PFKP: variants seen among roughly 807,000 people sequenced by gnomAD.
PFKP encodes the protein ATP-dependent 6-phosphofructokinase, platelet type.
A neutral mutation model predicts 94.3 loss-of-function variants in PFKP; 101 were observed. The ratio of observed to expected loss-of-function variants is 1.07; its 90% confidence interval spans 0.91 to 1.26. The LOEUF is 1.26. Ranked by LOEUF, PFKP falls within the 50% of genes most tolerant of loss-of-function variation. The pLI is 0.00. For synonymous variants in PFKP, 573 were observed against 432.6 expected (o/e 1.32, Z -4.03); for missense variants, 1,145 against 1,103.3 (o/e 1.04, Z -0.53).
intron 15 of PFKP, among the ~76,000 whole-genome samples, chr10:3,119,571 C>T (rs953256722): frequency 6.6e-6 from 1 of 151,778 alleles, no homozygotes; most frequent in African/African-American, 2.4e-5. Flanking sequence ...CACCACCTCA[C>T]TCCAGCCTGG....
At chr10:3,100,932 G>C in intron 3 of PFKP, 1 of 1,610,752 alleles carries the variant, frequency 6.2e-7, no homozygotes, top group Non-Finnish European at 8.5e-7. Flanking sequence ...TGCTGTAAGG[G>C]GTGACTGGAG....
intron 9 of PFKP, 39 bp from the exon 10 acceptor site, chr10:3,109,316 C>G: frequency 1.2e-6 from 2 of 1,603,942 alleles, no homozygotes; most frequent in Non-Finnish European, 1.7e-6. Flanking sequence ...CAGGGCAGGA[C>G]GGGAGGCTGC....
At chr10:3,113,684 A>G (rs1836500724) in intron 13 of PFKP, among the ~76,000 whole-genome samples, 166 bp downstream of exon 13, 1 of 106,462 alleles carries the variant, frequency 9.4e-6, no homozygotes, top group Non-Finnish European at 2.2e-5. Flanking sequence ...ATCTCACCCT[A>G]AGGTAGGTTT....
At chr10:3,071,031 A>G (rs1409430241) in intron 1 of PFKP, among the ~76,000 whole-genome samples, 4 of 152,016 alleles carry the variant, frequency 2.6e-5, no homozygotes, top group African/African-American at 4.8e-5. Context: ...GACTACAGAC[A>G]TGAGCCATTG....
At chr10:3,124,728 T>G (rs181037017) in intron 16 of PFKP, among the ~76,000 whole-genome samples, 3 of 152,346 alleles carry the variant, frequency 2.0e-5, no homozygotes, top group South Asian at 2.1e-4. Flanking sequence ...GCTTTGCCTT[T>G]AAGTGTCCTG....
rs1393535674 is a variant in PFKP at position 3,085,922 on chromosome 10, T to C, written c.186+3461T>C. On this transcript the variant is annotated intron_variant, in intron 2 of 21. Transcript: ENST00000381125. Reference sequence around the variant, plus strand: ...CTGCACCTGACGAAGACCAGCTTAGTTTCCGCTGCTGCTGGAGCATATACA... The same window carrying C: ...CTGCACCTGACGAAGACCAGCTTAGCTTCCGCTGCTGCTGGAGCATATACA... Among the ~76,000 whole-genome samples, 3 of 135,366 alleles carry C rather than the reference T, an allele frequency of 2.2e-5. No individual in the cohort carries two copies. In the East Asian group the frequency reaches 7.1e-4, roughly 32 times the overall value. 88.8% of individuals were successfully genotyped at this position (135,366 alleles called of 152,430 possible). A position where few individuals can be genotyped will look rare whatever the true frequency, so the allele number is the denominator to read the frequency against.
chr10:3,109,604 A>C, intron 10 of PFKP, 124 bp downstream of exon 10: 1 of 1,222,978 alleles, frequency 8.2e-7, no homozygotes, highest in Non-Finnish European at 1.1e-6. Flanking sequence ...CCTTTCTGAG[A>C]AGGAGGTGAG....
chr10:3,069,586 A>C (rs1171541165), intron 1 of PFKP, among the ~76,000 whole-genome samples: 1 of 152,042 alleles, frequency 6.6e-6, no homozygotes, highest in African/African-American at 2.4e-5. Context: ...GTTATTTTGG[A>C]ATTTAGGTGC....
chr10:3,123,780 T>C (rs9423690), intron 16 of PFKP, among the ~76,000 whole-genome samples: 102,617 of 152,262 alleles, frequency 0.67, 34,935 homozygotes, highest in South Asian at 0.76. Context: ...TGTTGCTGGC[T>C]GGGAAGCAGC....
intron 1 of PFKP, among the ~76,000 whole-genome samples, chr10:3,077,258 T>TA (rs1832673614): frequency 1.5e-5 from 1 of 67,980 alleles, no homozygotes. Flanking sequence ...ACTTTTTTTT[T>TA]TTCTTTTTTT....
chr10:3,095,271 A>C (rs1250340888), intron 2 of PFKP, among the ~76,000 whole-genome samples: 1 of 87,188 alleles, frequency 1.1e-5, no homozygotes, highest in Admixed American at 1.1e-4. Context: ...GAACTAGCTT[A>C]CTCCATTTAT....
At chr10:3,087,039 C>A (rs911258495) in intron 2 of PFKP, among the ~76,000 whole-genome samples, 16 of 151,714 alleles carry the variant, frequency 1.1e-4, no homozygotes, top group Admixed American at 9.2e-4. Flanking sequence ...GTGGTGTGAT[C>A]TCAGCTCACT....
At chr10:3,098,628 G>A (rs548601448) in intron 2 of PFKP, among the ~76,000 whole-genome samples, 1 of 135,858 alleles carries the variant, frequency 7.4e-6, no homozygotes, top group African/African-American at 2.8e-5. Flanking sequence ...AGCCGAGATC[G>A]CGCCACTGCA....
chr10:3,091,956 T>TA (rs1194044899), intron 2 of PFKP, among the ~76,000 whole-genome samples: 1 of 152,126 alleles, frequency 6.6e-6, no homozygotes, highest in Non-Finnish European at 1.5e-5. Flanking sequence ...TTTCCATGAT[T>TA]AAAAATAACA....
At chr10:3,106,677 G>C (rs183906858) in intron 7 of PFKP, among the ~76,000 whole-genome samples, 134 of 2,318 alleles carry the variant, frequency 0.058, 18 homozygotes, top group African/African-American at 0.15. Context: ...CCCTGCCCCT[G>C]TCCTCACCCC....
intron 3 of PFKP, among the ~76,000 whole-genome samples, chr10:3,100,064 T>C (rs924493511): frequency 1.4e-5 from 2 of 146,826 alleles, no homozygotes; most frequent in African/African-American, 5.3e-5. Context: ...GTGGTGTGTG[T>C]GTGTGTGTGT....
At position 3,107,987 on chromosome 10, in the gene PFKP, T is replaced by C. The variant is rs185715846; in HGVS notation, c.870+678T>C. The C allele has an allele frequency of 2.5e-4, 327 of 1,289,722 alleles. No individual in the cohort carries two copies. In the African/African-American group the frequency reaches 4.6e-3, roughly 18 times the overall value. 79.9% of individuals were successfully genotyped at this position (1,289,722 alleles called of 1,614,324 possible). A position where few individuals can be genotyped will look rare whatever the true frequency, so the allele number is the denominator to read the frequency against. ...ACCTGGCTTTGCAAGTCGGCTTCTT[T>C]ATTGTGCTTTGTTATGGTCAGTTAA... On this transcript the variant is annotated intron_variant, in intron 8 of 21. Coordinates refer to ENST00000381125, the MANE Select transcript of PFKP (RefSeq NM_002627.5).
At chr10:3,105,559 A>C in intron 7 of PFKP, 58 bp downstream of exon 7, 1 of 1,228,088 alleles carries the variant, frequency 8.1e-7, no homozygotes, top group South Asian at 1.2e-5. Context: ...TGCTTTAATC[A>C]GGATCCCAAG....
intron 2 of PFKP, among the ~76,000 whole-genome samples, chr10:3,085,985 G>A (rs1833560637): frequency 6.6e-6 from 1 of 151,718 alleles, no homozygotes. Context: ...CTTTTTTTGG[G>A]TGGGCGGGGG....
Sources: gnomAD v4.1 joint callset for allele counts (sites outside exome capture counted in the v4.1 genomes callset) on GRCh38, gnomAD v4.1.1 for gene constraint, MANE v1.5 for transcripts, NCBI Gene and HGNC (gene_info 2026-07-23, HGNC 2026-07-21) for gene names.